The following HNRNPA2B1 variants were observed in gnomAD, a reference collection of about 807,000 sequenced individuals.
The protein encoded by HNRNPA2B1 is heterogeneous nuclear ribonucleoprotein A2/B1.
Under a neutral mutation model 46.3 loss-of-function variants are expected in HNRNPA2B1, and 3 were observed. The ratio of observed to expected loss-of-function variants is 0.06; its 90% CI spans 0.03 to 0.17. The LOEUF is 0.17. Among genes scored for constraint, HNRNPA2B1 ranks in the 10% least tolerant of loss-of-function variants. HNRNPA2B1 has a pLI of 1.00. For missense variants in HNRNPA2B1, 221 were observed against 418.9 expected (o/e 0.53, Z 4.12); for synonymous variants, 225 against 133.8 (o/e 1.68, Z -4.70).
rs1024282342 is a variant in HNRNPA2B1, at chr7:26,196,060, A to C, written c.659-151T>G. 8 of 1,166,602 alleles carry C rather than the reference A, an allele frequency of 6.9e-6. No individual in the cohort carries two copies. In the Admixed American group the frequency reaches 1.0e-4, roughly 15 times the overall value. The allele number at this position is 1,166,602 out of a possible 1,614,324, so 72.3% of individuals were successfully genotyped here. A position where few individuals can be genotyped will look rare whatever the true frequency, so the allele number is the denominator to read the frequency against. On this transcript the variant is annotated intron_variant, in intron 6 of 10. Coordinates refer to ENST00000618183, the MANE Select transcript of HNRNPA2B1 (RefSeq NM_002137.4). The stretch of plus-strand genomic sequence containing the variant: ...CTACCAGTTTACCCACAAAACATGA[A>C]AGCATATAATTAAATCTACCGCCTA...
At chr7:26,197,896 T>C in intron 1 of HNRNPA2B1, 164 bp from the exon 2 acceptor site, 1 of 1,552,904 alleles carries the variant, frequency 6.4e-7, no homozygotes. Flanking sequence ...TTACATCAAA[T>C]TTAAACCATA....
intron 9 of HNRNPA2B1, 120 bp downstream of exon 9, chr7:26,193,131 G>C: frequency 1.1e-6 from 1 of 948,600 alleles, no homozygotes; most frequent in Non-Finnish European, 1.6e-6. Flanking sequence ...TTTTCACTAA[G>C]ACCGTACATG....
intron 7 of HNRNPA2B1, 141 bp from the exon 8 acceptor site, chr7:26,193,835 ATAAC>A: frequency 1.3e-6 from 1 of 745,242 alleles, no homozygotes; most frequent in Non-Finnish European, 2.2e-6. Context: ...CAAGGACTGA[ATAAC>A]TATCCTTGGT....
At chr7:26,200,179 A>C in intron 1 of HNRNPA2B1, 2 of 245,438 alleles carry the variant, frequency 8.1e-6, no homozygotes, top group Non-Finnish European at 1.6e-5. Context: ...GGGGAGGGGA[A>C]GCTCCGCAGC....
At chr7:26,197,183 TG>T in intron 3 of HNRNPA2B1, 131 bp downstream of exon 3, 1 of 1,217,128 alleles carries the variant, frequency 8.2e-7, no homozygotes. Flanking sequence ...CTTAAGAAAA[TG>T]GTCCAGAAAC....
intron 6 of HNRNPA2B1, 39 bp from the exon 7 acceptor site, chr7:26,195,948 T>C (rs187795169): frequency 6.4e-7 from 1 of 1,567,250 alleles, no homozygotes; most frequent in East Asian, 2.3e-5. Context: ...TACTATAAAC[T>C]GTTCAGCATT....
intron 1 of HNRNPA2B1, chr7:26,198,544 G>A (rs536613883): frequency 1.3e-5 from 2 of 152,012 alleles, no homozygotes; most frequent in Admixed American, 6.6e-5. Context: ...TAATCTCTAA[G>A]ATAACAATTA....
At chr7:26,198,078 C>CA (rs1410130997) in intron 1 of HNRNPA2B1, 3 of 391,456 alleles carry the variant, frequency 7.7e-6, no homozygotes, top group African/African-American at 6.2e-5. Context: ...CCGTGATTAT[C>CA]AAAGGATTAT....
chr7:26,190,364 CA>C lies in HNRNPA2B1; in HGVS notation c.*1995del, dbSNP rs1370809473. The C allele has an allele frequency of 6.6e-6, 1 of 152,436 alleles. No homozygotes were observed. Among genetic ancestry groups the C allele is most frequent in the East Asian group, 1.9e-4 (1 of 5,190 alleles). 9.4% of individuals were successfully genotyped at this position (152,436 alleles called of 1,614,324 possible). A position where few individuals can be genotyped will look rare whatever the true frequency, so the allele number is the denominator to read the frequency against. Reference sequence around the variant, plus strand: ...AAGAGTGCTTTTTAAATGAAGGCACCAACAAGAACTACTTTCAGATGGTACA... The same window carrying C: ...AAGAGTGCTTTTTAAATGAAGGCACCACAAGAACTACTTTCAGATGGTACA... On this transcript the variant is annotated 3_prime_UTR_variant, in exon 11 of 11. Coordinates refer to ENST00000618183, the MANE Select transcript of HNRNPA2B1 (RefSeq NM_002137.4).
At chr7:26,194,205 G>C (rs868272005) in intron 7 of HNRNPA2B1, among the ~76,000 whole-genome samples, 12 of 152,086 alleles carry the variant, frequency 7.9e-5, no homozygotes, top group Admixed American at 4.6e-4. Flanking sequence ...GACCACCCTG[G>C]CTAACACGGT....
At position 26,191,307 on chromosome 7, in the gene HNRNPA2B1, C is replaced by CAATTTATAGCTATGTTAAACTACGT. The variant is rs1307369411; in HGVS notation, c.*1028_*1052dup. On this transcript the variant is annotated 3_prime_UTR_variant, in exon 11 of 11. Transcript: ENST00000618183. ...TCTTGAGTTTATAAATTGTTAAACT[C>CAATTTATAGCTATGTTAAACTACGT]AATTTATAGCTATGTTAAACTACGT... is the stretch of plus-strand genomic sequence containing the variant. 6.6e-6 allele frequency: 1 copy of CAATTTATAGCTATGTTAAACTACGT among 152,034 alleles called. No homozygotes were observed. The highest frequency in any genetic ancestry group is 2.4e-5 in the African/African-American group (1 of 41,390). The allele number at this position is 152,034 out of a possible 1,614,324, so 9.4% of individuals were successfully genotyped here.
At position 26,200,349 on chromosome 7, in the gene HNRNPA2B1, A is replaced by AC. The variant is rs938387137; in HGVS notation, c.6+222dup. The AC allele has an allele frequency of 3.5e-5, 21 of 604,764 alleles. 1 individual carries two copies. Among genetic ancestry groups the AC allele is most frequent in the Non-Finnish European group, 6.2e-5 (21 of 336,398 alleles). The allele number at this position is 604,764 out of a possible 1,614,324, so 37.5% of individuals were successfully genotyped here. A position where few individuals can be genotyped will look rare whatever the true frequency, so the allele number is the denominator to read the frequency against. ...GCCATGTGAAAGCTCCCCATCCCCC[A>AC]CCCCCAGTGAAGGGAAATGGCGCCG... On this transcript the variant is annotated intron_variant, in intron 1 of 10. Transcript: ENST00000618183.
At chr7:26,198,654 TGCTGTACTACACA>T (rs1306273922) in intron 1 of HNRNPA2B1, 2 of 152,294 alleles carry the variant, frequency 1.3e-5, no homozygotes, top group African/African-American at 4.8e-5. Context: ...AATCTTTATA[TGCTGTACTACACA>T]GCTGTATTCT....
In HNRNPA2B1 at chr7:26,195,017, C is replaced by T. The variant is rs185438491; in HGVS notation, c.721+830G>A. ...GCTGAGGCAGGAGAATCACTTGGAC[C>T]GGGAAGGCAGAGATTGCAGTGAGCA... On this transcript the variant is annotated intron_variant, in intron 7 of 10. Coordinates refer to ENST00000618183, the MANE Select transcript of HNRNPA2B1 (RefSeq NM_002137.4). Among the ~76,000 whole-genome samples, 360 of 145,464 alleles carry T rather than the reference C, an allele frequency of 2.5e-3. 6 individuals are homozygous for T. The highest frequency in any genetic ancestry group is 3.3e-3 in the Non-Finnish European group (221 of 67,182).
chr7:26,197,273 CG>C (rs1562716912), intron 3 of HNRNPA2B1, 41 bp downstream of exon 3: 1 of 1,554,234 alleles, frequency 6.4e-7, no homozygotes, highest in South Asian at 1.2e-5. Flanking sequence ...AGCAGGGCAG[CG>C]TTCTTCATGT....
chr7:26,199,212 C>G (rs559365534), intron 1 of HNRNPA2B1: 1 of 152,716 alleles, frequency 6.5e-6, no homozygotes, highest in African/African-American at 2.4e-5. Context: ...CAAACTTACC[C>G]GATGTCCACT....
At position 26,191,292 on chromosome 7, in the gene HNRNPA2B1, A is replaced by G. The variant is rs1017968521; in HGVS notation, c.*1068T>C. ...TTATAAAAATTATTCTCTTGAGTTTATAAATTGTTAAACTCAATTTATAGC... is the reference window on the plus strand; with the variant it reads ...TTATAAAAATTATTCTCTTGAGTTTGTAAATTGTTAAACTCAATTTATAGC... On this transcript the variant is annotated 3_prime_UTR_variant, in exon 11 of 11. Coordinates refer to ENST00000618183, the MANE Select transcript of HNRNPA2B1 (RefSeq NM_002137.4). The G allele has an allele frequency of 1.3e-5, 2 of 152,230 alleles. No individual in the cohort carries two copies. The highest frequency in any genetic ancestry group is 4.1e-4 in the South Asian group (2 of 4,828). 9.4% of individuals were successfully genotyped at this position (152,230 alleles called of 1,614,324 possible).
Position 26,196,387 on chromosome 7 carries a change from A to T in HNRNPA2B1, c.658+14T>A. 2.5e-6 allele frequency: 4 copies of T among 1,600,398 alleles called. No individual in the cohort carries two copies. Among genetic ancestry groups the T allele is most frequent in the Non-Finnish European group, 3.4e-6 (4 of 1,169,210 alleles). On this transcript the variant is annotated intron_variant, in intron 6 of 10. Transcript: ENST00000618183. ...GCACACTCATCCTTTAAACACGTAG[A>T]ACTTGAAACTCACCAGATCCTCCTC...
intron 1 of HNRNPA2B1, chr7:26,198,470 T>C (rs995886558): frequency 6.6e-6 from 1 of 152,396 alleles, no homozygotes; most frequent in Non-Finnish European, 1.5e-5. Flanking sequence ...ATTTGATATA[T>C]GACAATACAG....
Sources: allele counts gnomAD v4.1 joint callset (sites outside exome capture counted in the v4.1 genomes callset), GRCh38; gene constraint gnomAD v4.1.1; transcripts MANE v1.5; gene names NCBI Gene and HGNC (gene_info 2026-07-23, HGNC 2026-07-21).